RCOR1: variants seen among roughly 807,000 people sequenced by gnomAD.
The protein encoded by RCOR1 is REST corepressor 1.
Under a neutral mutation model 64.0 loss-of-function variants are expected in RCOR1, and 12 were observed. The ratio of observed to expected loss-of-function variants is 0.19; its 90% CI spans 0.12 to 0.30. RCOR1 has a LOEUF of 0.30. Ranked by LOEUF, RCOR1 falls within the 10% of genes least tolerant of loss-of-function variation. The pLI, the probability that RCOR1 is intolerant of heterozygous loss-of-function variation, is 1.00. For synonymous variants in RCOR1, 279 were observed against 227.2 expected, an observed-to-expected ratio of 1.23 and a Z score of -2.05; for missense variants, 502 against 621.2, an observed-to-expected ratio of 0.81 and a Z score of 2.04.
At chr14:102,625,548 T>TA (rs951248765) in intron 2 of RCOR1, among the ~76,000 whole-genome samples, 4 of 151,336 alleles carry the variant, frequency 2.6e-5, no homozygotes, top group African/African-American at 9.7e-5. Context: ...TTTTTTTTTT[T>TA]AAATAGAGAC....
intron 2 of RCOR1, among the ~76,000 whole-genome samples, chr14:102,642,864 A>G: frequency 6.6e-6 from 1 of 152,080 alleles, no homozygotes; most frequent in East Asian, 1.9e-4. Context: ...GTGTTAGCAT[A>G]GTATCGGCAG....
At chr14:102,717,892 A>G (rs1221947444) in intron 8 of RCOR1, among the ~76,000 whole-genome samples, 1 of 151,942 alleles carries the variant, frequency 6.6e-6, no homozygotes, top group East Asian at 1.9e-4. Flanking sequence ...TTTCCTTTCC[A>G]CAGCCTTTTA....
intron 2 of RCOR1, among the ~76,000 whole-genome samples, chr14:102,636,253 TA>T (rs956596435): frequency 4.0e-5 from 6 of 151,808 alleles, no homozygotes; most frequent in African/African-American, 1.2e-4. Flanking sequence ...AAACTGTTTC[TA>T]AAAAAAATTT....
chr14:102,649,664 C>T (rs1194692160), intron 2 of RCOR1: 3 of 328,866 alleles, frequency 9.1e-6, no homozygotes, highest in Non-Finnish European at 1.3e-5. Flanking sequence ...CAGTTAAGAC[C>T]TCCACTGAAG....
intron 2 of RCOR1, among the ~76,000 whole-genome samples, chr14:102,617,998 A>T (rs1595196606): frequency 7.9e-6 from 1 of 126,048 alleles, no homozygotes; most frequent in Non-Finnish European, 1.7e-5. Flanking sequence ...TGTGAGACAG[A>T]GTCTTGCTTT....
At chr14:102,702,516 GAA>G (rs1307235477) in intron 4 of RCOR1, among the ~76,000 whole-genome samples, 2 of 150,484 alleles carry the variant, frequency 1.3e-5, no homozygotes, top group Middle Eastern at 3.5e-3. Flanking sequence ...TAAAATAAAA[GAA>G]TAACAGCAAT....
intron 2 of RCOR1, among the ~76,000 whole-genome samples, chr14:102,607,399 C>T (rs927968692): frequency 1.3e-5 from 2 of 152,142 alleles, no homozygotes; most frequent in African/African-American, 2.4e-5. Context: ...GCACATCTTG[C>T]ATAGATGTGT....
chr14:102,684,070 A>G (rs60573537), intron 3 of RCOR1, among the ~76,000 whole-genome samples: 56,926 of 152,084 alleles, frequency 0.37, 11,748 homozygotes, highest in African/African-American at 0.55. Context: ...CCATCGCAGG[A>G]CCCGGCTGAG....
intron 2 of RCOR1, among the ~76,000 whole-genome samples, chr14:102,622,546 T>C (rs768970461): frequency 6.6e-6 from 1 of 152,206 alleles, no homozygotes; most frequent in Non-Finnish European, 1.5e-5. Flanking sequence ...GTTTTTCACC[T>C]TGATCTTCTT....
At chr14:102,611,789 C>G (rs931526410) in intron 2 of RCOR1, among the ~76,000 whole-genome samples, 1 of 152,104 alleles carries the variant, frequency 6.6e-6, no homozygotes, top group Admixed American at 6.6e-5. Context: ...TCTTCCTGTT[C>G]CCATGTGAGC....
chr14:102,609,258 G>A (rs983390197), intron 2 of RCOR1, among the ~76,000 whole-genome samples: 36 of 151,388 alleles, frequency 2.4e-4, no homozygotes, highest in African/African-American at 7.5e-4. Context: ...GGCCAGGCTC[G>A]TCTTGAACTC....
intron 2 of RCOR1, among the ~76,000 whole-genome samples, chr14:102,624,965 G>A (rs1357164365): frequency 2.6e-5 from 4 of 151,854 alleles, no homozygotes; most frequent in African/African-American, 9.7e-5. Flanking sequence ...TTAATCCCCT[G>A]CGCTCAAGTA....
intron 2 of RCOR1, among the ~76,000 whole-genome samples, chr14:102,614,364 A>G (rs764914581): frequency 6.6e-6 from 1 of 151,356 alleles, no homozygotes; most frequent in Non-Finnish European, 1.5e-5. Context: ...AGCTGGGACT[A>G]CAGGCACCCG....
chr14:102,619,536 A>G (rs1178127029), intron 2 of RCOR1, among the ~76,000 whole-genome samples: 5 of 143,340 alleles, frequency 3.5e-5, no homozygotes, highest in African/African-American at 5.3e-5. Context: ...GCTGGACTGT[A>G]GTGGCGTGAT....
intron 3 of RCOR1, among the ~76,000 whole-genome samples, chr14:102,694,632 T>G (rs1260404678): frequency 6.6e-6 from 1 of 152,188 alleles, no homozygotes; most frequent in Non-Finnish European, 1.5e-5. Flanking sequence ...AAGGACGGAT[T>G]GATGAAATCC....
chr14:102,603,226 G>A (rs986879739), intron 2 of RCOR1, among the ~76,000 whole-genome samples: 5 of 151,918 alleles, frequency 3.3e-5, no homozygotes, highest in African/African-American at 1.2e-4. Context: ...GACTACAGTT[G>A]TTCACCACCA....
At chr14:102,708,052 G>A (rs1013326646) in intron 5 of RCOR1, among the ~76,000 whole-genome samples, 3 of 150,660 alleles carry the variant, frequency 2.0e-5, no homozygotes, top group East Asian at 2.0e-4. Context: ...TGAAAGCTCC[G>A]CCTCCCGGGT....
intron 2 of RCOR1, among the ~76,000 whole-genome samples, chr14:102,653,249 CTT>C (rs781108330): frequency 6.6e-6 from 1 of 151,486 alleles, no homozygotes; most frequent in Non-Finnish European, 1.5e-5. Flanking sequence ...TGAGACTTGT[CTT>C]ACTTTCACCC....
chr14:102,622,307 C>T (rs1595198419), intron 2 of RCOR1, among the ~76,000 whole-genome samples: 1 of 152,136 alleles, frequency 6.6e-6, no homozygotes, highest in Non-Finnish European at 1.5e-5. Flanking sequence ...ACTGCCAGCC[C>T]GAAGGCTTGA....
Sources: allele counts gnomAD v4.1 joint callset (sites outside exome capture counted in the v4.1 genomes callset), GRCh38; gene constraint gnomAD v4.1.1; transcripts MANE v1.5; gene names NCBI Gene and HGNC (gene_info 2026-07-23, HGNC 2026-07-21).